Variants in PROCR observed in about 807,000 individuals in gnomAD.
PROCR encodes endothelial protein C receptor.
Under a neutral mutation model 24.2 loss-of-function variants are expected in PROCR, and 22 were observed. The ratio of observed to expected loss-of-function variants is 0.91; its 90% CI spans 0.65 to 1.30. PROCR has a LOEUF of 1.30. Among genes scored for constraint, PROCR ranks in the 50% most tolerant of loss-of-function variants. PROCR has a pLI of 0.00. For synonymous variants in PROCR, 137 were observed against 139.2 expected (o/e 0.98, Z 0.11); for missense variants, 288 against 307.7 (o/e 0.94, Z 0.48).
chr20:35,201,168 T>TA (rs1258147164), intron 1 of PROCR, among the ~76,000 whole-genome samples: 261 of 135,990 alleles, frequency 1.9e-3, no homozygotes, highest in African/African-American at 4.6e-3. Context: ...GATCAACAGC[T>TA]AAAAAAAAAA....
chr20:35,189,773 G>A (rs531995329), intron 1 of PROCR, among the ~76,000 whole-genome samples: 11 of 152,184 alleles, frequency 7.2e-5, no homozygotes, highest in Middle Eastern at 3.4e-3. Context: ...AAGAACCCAC[G>A]TTGAAATATC....
intron 1 of PROCR, among the ~76,000 whole-genome samples, chr20:35,187,829 A>T (rs1315306331): frequency 6.6e-6 from 1 of 152,198 alleles, no homozygotes; most frequent in East Asian, 1.9e-4. Flanking sequence ...CCCAGCTCTG[A>T]TAACTAGGAT....
chr20:35,191,320 A>G (rs568597444), intron 1 of PROCR, among the ~76,000 whole-genome samples: 3 of 152,314 alleles, frequency 2.0e-5, no homozygotes, highest in African/African-American at 7.2e-5. Context: ...TAGAATTACT[A>G]AATAAGAAAA....
At chr20:35,184,559 G>A (rs1323718997) in intron 1 of PROCR, among the ~76,000 whole-genome samples, 1 of 152,138 alleles carries the variant, frequency 6.6e-6, no homozygotes, top group East Asian at 1.9e-4. Flanking sequence ...AATTAGCTGG[G>A]CGTGGTGGCG....
At chr20:35,171,926 G>A, upstream of PROCR, 1 of 602,448 alleles carries the variant, frequency 1.7e-6, no homozygotes, top group Non-Finnish European at 3.0e-6. Flanking sequence ...GAAGGGCGGG[G>A]CAGAGGGAGG....
chr20:35,173,621 G>C (rs369821356), intron 1 of PROCR, among the ~76,000 whole-genome samples: 1 of 151,738 alleles, frequency 6.6e-6, no homozygotes, highest in Non-Finnish European at 1.5e-5. Context: ...GTACAGATGG[G>C]GTTTCGCCAT....
chr20:35,177,989 TG>T (rs1386720700), downstream of PROCR, among the ~76,000 whole-genome samples: 2 of 152,222 alleles, frequency 1.3e-5, no homozygotes, highest in Non-Finnish European at 2.9e-5. Context: ...TTCCATTTTT[TG>T]GTTCCTTTTG....
chr20:35,183,798 G>A (rs1297799519), intron 1 of PROCR, among the ~76,000 whole-genome samples: 1 of 152,086 alleles, frequency 6.6e-6, no homozygotes, highest in Non-Finnish European at 1.5e-5. Context: ...AAAAAGCAGA[G>A]TAAATTTTAG....
At chr20:35,184,602 A>G (rs2086107071) in intron 1 of PROCR, among the ~76,000 whole-genome samples, 1 of 152,324 alleles carries the variant, frequency 6.6e-6, no homozygotes, top group South Asian at 2.1e-4. Context: ...CAGAAGGCTG[A>G]GGCAGGAGAA....
intron 1 of PROCR, among the ~76,000 whole-genome samples, chr20:35,212,528 C>G (rs781778137): frequency 6.6e-6 from 1 of 152,104 alleles, no homozygotes; most frequent in Non-Finnish European, 1.5e-5. Context: ...GTTATTACTG[C>G]GGTCCAAGTA....
At chr20:35,174,396 T>G in intron 1 of PROCR, 2 of 447,994 alleles carry the variant, frequency 4.5e-6, no homozygotes, top group Non-Finnish European at 8.3e-6. Context: ...TTGTTAACCA[T>G]TTGTTCCGTT....
rs184690738 is a variant in PROCR at position 35,201,143 on chromosome 20, G to A, written c.95-14750G>A. Among the ~76,000 whole-genome samples the A allele has an allele frequency of 2.4e-3, 361 of 150,324 alleles. 4 individuals carry two copies. Among genetic ancestry groups the A allele is most frequent in the Middle Eastern group, 3.5e-3 (1 of 288 alleles). ...AGTTGACTGTTAAAATTAGGTATGT[G>A]TATTATTATCCCTAGATCAACAGCT... On this transcript the variant is annotated intron_variant, in intron 1 of 1. Transcript: ENST00000634509.
intron 1 of PROCR, among the ~76,000 whole-genome samples, chr20:35,211,470 C>A (rs1600757710): frequency 6.6e-6 from 1 of 152,148 alleles, no homozygotes; most frequent in African/African-American, 2.4e-5. Flanking sequence ...GACCTGCTGG[C>A]CTCTATTAAA....
In PROCR at chr20:35,174,440, G is replaced by A. The variant is rs1475285738; in HGVS notation, c.71-262G>A. 7.5e-5 allele frequency: 40 copies of A among 534,166 alleles called. No homozygotes were observed. In the Admixed American group the frequency reaches 1.3e-3, roughly 17 times the overall value. 33.1% of individuals were successfully genotyped at this position (534,166 alleles called of 1,614,324 possible). On this transcript the variant is annotated intron_variant, in intron 1 of 3. Coordinates refer to ENST00000216968, the MANE Select transcript of PROCR (RefSeq NM_006404.5). ...GGAAACGGGGGGAGGGAGAGCCGAG[G>A]GTGAAAAAGGAGGCAGAAAGGAGTG...
intron 1 of PROCR, among the ~76,000 whole-genome samples, chr20:35,215,007 A>G (rs937447813): frequency 6.6e-6 from 1 of 151,290 alleles, no homozygotes; most frequent in African/African-American, 2.4e-5. Flanking sequence ...CCTGGGTTCA[A>G]GAGATTCTCC....
chr20:35,185,030 C>CAAAAAAAAA (rs55715132), intron 1 of PROCR, among the ~76,000 whole-genome samples: 6 of 104,080 alleles, frequency 5.8e-5, no homozygotes, highest in Middle Eastern at 5.2e-3. Context: ...ATCAGTAAGA[C>CAAAAAAAAA]AAAAAAAAAA....
chr20:35,179,102 G>A (rs111308605), downstream of PROCR, among the ~76,000 whole-genome samples: 619 of 150,954 alleles, frequency 4.1e-3, 7 homozygotes, highest in African/African-American at 0.014. Context: ...GCATGGTTGC[G>A]GGCGCCTGTA....
chr20:35,194,246 T>C (rs2086197107), intron 1 of PROCR, among the ~76,000 whole-genome samples: 1 of 152,204 alleles, frequency 6.6e-6, no homozygotes, highest in African/African-American at 2.4e-5. Context: ...TTGAGGAGTT[T>C]GGTTTGTTTT....
chr20:35,177,987 T>C (rs1381018554), downstream of PROCR, among the ~76,000 whole-genome samples: 1 of 152,214 alleles, frequency 6.6e-6, no homozygotes, highest in Admixed American at 6.6e-5. Flanking sequence ...AATTCCATTT[T>C]TTGGTTCCTT....
Sources: allele counts gnomAD v4.1 joint callset (sites outside exome capture counted in the v4.1 genomes callset), GRCh38; gene constraint gnomAD v4.1.1; transcripts MANE v1.5; gene names NCBI Gene and HGNC (gene_info 2026-07-23, HGNC 2026-07-21).